ST6GALNAC3: variants seen among roughly 807,000 people sequenced by gnomAD.
ST6GALNAC3 encodes the protein ST6 N-acetylgalactosaminide alpha-2,6-sialyltransferase 3.
A neutral mutation model predicts 32.7 loss-of-function variants in ST6GALNAC3; 25 were observed. The observed-to-expected ratio is 0.76, with a 90% CI of 0.56 to 1.07. The LOEUF (loss-of-function observed/expected upper bound fraction) is 1.07. Ranked by LOEUF, ST6GALNAC3 falls within the 50% of genes least tolerant of loss-of-function variation. The pLI is 0.00. For missense variants in ST6GALNAC3, 355 were observed against 382.4 expected (o/e 0.93, Z 0.60); for synonymous variants, 129 against 133.1 (o/e 0.97, Z 0.21).
At chr1:76,256,104 T>A (rs142239440) in intron 1 of ST6GALNAC3, among the ~76,000 whole-genome samples, 343 of 151,882 alleles carry the variant, frequency 2.3e-3, no homozygotes, top group Non-Finnish European at 3.2e-3. Context: ...TATGTGATAG[T>A]TTTAAAATAA....
chr1:76,622,654 A>C (rs1648721891), intron 3 of ST6GALNAC3, among the ~76,000 whole-genome samples: 1 of 151,974 alleles, frequency 6.6e-6, no homozygotes, highest in Admixed American at 6.6e-5. Flanking sequence ...TCCTGTCCAA[A>C]ATGTTAATAG....
Position 76,629,964 on chromosome 1 carries a change from G to C in ST6GALNAC3, c.*1158G>C. 1.0e-6 allele frequency: 1 copy of C among 985,126 alleles called. No individual in the cohort carries two copies. Among genetic ancestry groups the C allele is most frequent in the African/African-American group, 1.7e-5 (1 of 57,320 alleles). 61.0% of individuals were successfully genotyped at this position (985,126 alleles called of 1,614,324 possible). On this transcript the variant is annotated 3_prime_UTR_variant, in exon 5 of 5. Transcript: ENST00000328299. ...GATTTATTTTTCCCATAGTGTATCAGTTGTTATGCCACAATAACAACAATA... is the reference window on the plus strand; with the variant it reads ...GATTTATTTTTCCCATAGTGTATCACTTGTTATGCCACAATAACAACAATA...
chr1:76,265,084 G>C (rs1658452834), intron 1 of ST6GALNAC3, among the ~76,000 whole-genome samples: 1 of 152,038 alleles, frequency 6.6e-6, no homozygotes, highest in Admixed American at 6.6e-5. Flanking sequence ...TAAAACTCAA[G>C]GTCATTTTGC....
intron 3 of ST6GALNAC3, among the ~76,000 whole-genome samples, chr1:76,496,686 G>A (rs1403912822): frequency 6.6e-6 from 1 of 152,128 alleles, no homozygotes; most frequent in Non-Finnish European, 1.5e-5. Flanking sequence ...CTTTCCTGTG[G>A]AGTAAGAGGT....
chr1:76,398,459 C>A (rs180941116), intron 2 of ST6GALNAC3, among the ~76,000 whole-genome samples: 1 of 151,938 alleles, frequency 6.6e-6, no homozygotes, highest in Non-Finnish European at 1.5e-5. Context: ...TGTTCTTTAC[C>A]GTGTTAAGAA....
At chr1:76,290,584 G>GAGAC (rs1660028152) in intron 1 of ST6GALNAC3, among the ~76,000 whole-genome samples, 1 of 152,290 alleles carries the variant, frequency 6.6e-6, no homozygotes, top group Admixed American at 6.5e-5. Flanking sequence ...TACAGCAAAG[G>GAGAC]AGACTGAGGC....
chr1:76,225,183 G>A (rs1193350232), intron 1 of ST6GALNAC3, among the ~76,000 whole-genome samples: 1 of 151,824 alleles, frequency 6.6e-6, no homozygotes. Flanking sequence ...AATTCTTTAT[G>A]CTGAAAGGCT....
chr1:76,570,909 C>A (rs1227430388), intron 3 of ST6GALNAC3, among the ~76,000 whole-genome samples: 1 of 151,970 alleles, frequency 6.6e-6, no homozygotes, highest in Non-Finnish European at 1.5e-5. Context: ...TTCATATTCC[C>A]AGCCTGCTGA....
chr1:76,582,129 A>C (rs1005281987), intron 3 of ST6GALNAC3, among the ~76,000 whole-genome samples: 1 of 152,206 alleles, frequency 6.6e-6, no homozygotes, highest in African/African-American at 2.4e-5. Flanking sequence ...TATGTTGCAC[A>C]GTACTCAAAG....
At chr1:76,199,145 G>T (rs1444839246) in intron 1 of ST6GALNAC3, among the ~76,000 whole-genome samples, 1 of 152,138 alleles carries the variant, frequency 6.6e-6, no homozygotes, top group Non-Finnish European at 1.5e-5. Flanking sequence ...GCTCATTAGG[G>T]TTCTTCTGAA....
intron 1 of ST6GALNAC3, among the ~76,000 whole-genome samples, chr1:76,279,984 TC>T (rs35713545): frequency 1.8e-4 from 1 of 5,580 alleles, no homozygotes; most frequent in Non-Finnish European, 2.8e-4. Context: ...CTCTCCTGTC[TC>T]TCTCCTGTCT....
intron 2 of ST6GALNAC3, among the ~76,000 whole-genome samples, chr1:76,343,169 A>G (rs896105214): frequency 6.6e-6 from 1 of 152,104 alleles, no homozygotes; most frequent in Non-Finnish European, 1.5e-5. Context: ...CTAGCAGAGT[A>G]TTTATTAGGT....
chr1:76,122,543 G>C (rs534499103), intron 1 of ST6GALNAC3, among the ~76,000 whole-genome samples: 25 of 152,308 alleles, frequency 1.6e-4, no homozygotes, highest in African/African-American at 5.1e-4. Flanking sequence ...AAGACTCCTT[G>C]AAAGCCTCCT....
At chr1:76,468,125 C>T (rs1454429806) in intron 3 of ST6GALNAC3, among the ~76,000 whole-genome samples, 1 of 151,784 alleles carries the variant, frequency 6.6e-6, no homozygotes, top group Non-Finnish European at 1.5e-5. Context: ...TTCCATCCCC[C>T]TACCTTTCAA....
At chr1:76,547,398 C>A (rs1664359785) in intron 3 of ST6GALNAC3, among the ~76,000 whole-genome samples, 1 of 152,150 alleles carries the variant, frequency 6.6e-6, no homozygotes, top group Admixed American at 6.5e-5. Context: ...AAAATAGAAA[C>A]CTTTGTAGCA....
intron 3 of ST6GALNAC3, among the ~76,000 whole-genome samples, chr1:76,457,672 G>T (rs1571294879): frequency 6.6e-6 from 1 of 152,060 alleles, no homozygotes; most frequent in Admixed American, 6.6e-5. Flanking sequence ...TGGAAAACTG[G>T]CTAGCCATAT....
intron 1 of ST6GALNAC3, among the ~76,000 whole-genome samples, chr1:76,266,715 C>T (rs1303284919): frequency 6.6e-6 from 1 of 152,136 alleles, no homozygotes; most frequent in African/African-American, 2.4e-5. Context: ...CTTCCACTTG[C>T]CACCCTTTCT....
At chr1:76,191,203 C>T (rs1653874821) in intron 1 of ST6GALNAC3, among the ~76,000 whole-genome samples, 3 of 152,026 alleles carry the variant, frequency 2.0e-5, no homozygotes, top group African/African-American at 4.8e-5. Flanking sequence ...TTAGACAAGC[C>T]TTGAGCATGT....
intron 2 of ST6GALNAC3, among the ~76,000 whole-genome samples, chr1:76,328,353 G>A (rs970628655): frequency 2.0e-5 from 3 of 152,130 alleles, no homozygotes; most frequent in Non-Finnish European, 4.4e-5. Flanking sequence ...ATGAGCTACC[G>A]TTAAACTGAT....
Sources: allele counts gnomAD v4.1 joint callset (sites outside exome capture counted in the v4.1 genomes callset), GRCh38; gene constraint gnomAD v4.1.1; transcripts MANE v1.5; gene names NCBI Gene and HGNC (gene_info 2026-07-23, HGNC 2026-07-21).